The following WFDC1 variants were observed in gnomAD, a reference collection of about 807,000 sequenced individuals.
The protein encoded by WFDC1 is WAP four-disulfide core domain protein 1.
A neutral mutation model predicts 32.9 loss-of-function variants in WFDC1; 39 were observed. The ratio of observed to expected loss-of-function variants is 1.19; its 90% CI spans 0.92 to 1.55. The LOEUF (loss-of-function observed/expected upper bound fraction) is 1.55, where lower values mean the gene tolerates loss of function less well. WFDC1 is among the 40% of genes most tolerant of loss of function. The pLI, the probability that WFDC1 is intolerant of heterozygous loss-of-function variation, is 0.00. For synonymous variants in WFDC1, 184 were observed against 137.4 expected, an observed-to-expected ratio of 1.34 and a Z score of -2.37; for missense variants, 386 against 309.5, an observed-to-expected ratio of 1.25 and a Z score of -1.85.
rs543832160 is a variant in WFDC1, at chr16:84,321,981, G to A, written c.562+2410G>A. ...TATGGGGCTTGAGTGAGAGAAACACGTATGAAGTGCTTAGAATAGCACCTG... is the reference window on the plus strand; with the variant it reads ...TATGGGGCTTGAGTGAGAGAAACACATATGAAGTGCTTAGAATAGCACCTG... On this transcript the variant is annotated intron_variant, in intron 4 of 6. Transcript: ENST00000219454. 2.6e-4 allele frequency among the ~76,000 whole-genome samples: 39 copies of A among 152,294 alleles called. 1 individual carries two copies. The highest frequency in any genetic ancestry group is 7.9e-4 in the African/African-American group (33 of 41,550).
intron 1 of WFDC1, among the ~76,000 whole-genome samples, chr16:84,310,880 G>A (rs1158147425): frequency 6.6e-6 from 1 of 152,132 alleles, no homozygotes. Context: ...CTATGTACTG[G>A]GCCAGCACAA....
At chr16:84,322,461 C>A (rs78283890) in intron 4 of WFDC1, among the ~76,000 whole-genome samples, 1,598 of 152,260 alleles carry the variant, frequency 0.01, 13 homozygotes, top group Middle Eastern at 0.027. Context: ...TAATTTCAGA[C>A]TTATAAAAAT....
At chr16:84,319,837 G>A (rs959219012) in intron 4 of WFDC1, among the ~76,000 whole-genome samples, 4 of 152,160 alleles carry the variant, frequency 2.6e-5, no homozygotes, top group African/African-American at 9.7e-5. Context: ...GGCGACACTG[G>A]GGTTAATTTC....
chr16:84,310,846 A>G (rs957017317), intron 1 of WFDC1, among the ~76,000 whole-genome samples: 42 of 152,310 alleles, frequency 2.8e-4, no homozygotes, highest in African/African-American at 9.1e-4. Flanking sequence ...ATGGCTGTCT[A>G]CTATTCCAAT....
chr16:84,306,856 G>C (rs1347077626), intron 1 of WFDC1, among the ~76,000 whole-genome samples: 2 of 152,170 alleles, frequency 1.3e-5, no homozygotes, highest in African/African-American at 4.8e-5. Flanking sequence ...TGTTCTACGA[G>C]CCAGGGACAC....
At chr16:84,325,706 C>T (rs1440481563) in intron 5 of WFDC1, 1 of 152,066 alleles carries the variant, frequency 6.6e-6, no homozygotes, top group East Asian at 1.9e-4. Flanking sequence ...ATCTATTCAT[C>T]CATCTGTTCA....
At chr16:84,300,664 G>A (rs944236221) in intron 1 of WFDC1, among the ~76,000 whole-genome samples, 5 of 152,182 alleles carry the variant, frequency 3.3e-5, no homozygotes, top group Non-Finnish European at 7.3e-5. Flanking sequence ...TATGAACCCC[G>A]TTCCTTATAA....
Position 84,326,693 on chromosome 16 carries a change from T to G in WFDC1, c.605-189T>G. The G allele has an allele frequency of 6.5e-6, 4 of 616,760 alleles. 1 individual carries two copies. Among genetic ancestry groups the G allele is most frequent in the Non-Finnish European group, 2.9e-6 (1 of 344,308 alleles). 38.2% of individuals were successfully genotyped at this position (616,760 alleles called of 1,614,324 possible). A position where few individuals can be genotyped will look rare whatever the true frequency, so the allele number is the denominator to read the frequency against. ...GTAAGACCAGAAACATAGACAGAGC[T>G]GGTGACACCAGCTGGGGGGCCTGGG... On this transcript the variant is annotated intron_variant, in intron 5 of 6. Transcript: ENST00000219454.
At chr16:84,301,464 G>C (rs1906929808) in intron 1 of WFDC1, among the ~76,000 whole-genome samples, 2 of 152,162 alleles carry the variant, frequency 1.3e-5, no homozygotes, top group African/African-American at 4.8e-5. Flanking sequence ...TGGGAGCTTT[G>C]TCTGCTCCTT....
chr16:84,311,330 C>T (rs1163299828), intron 1 of WFDC1, among the ~76,000 whole-genome samples: 1 of 151,234 alleles, frequency 6.6e-6, no homozygotes, highest in African/African-American at 2.4e-5. Flanking sequence ...CTGCAAGCTC[C>T]GACTCCCAGG....
intron 1 of WFDC1, among the ~76,000 whole-genome samples, chr16:84,311,365 T>C (rs375932): frequency 0.68 from 99,217 of 145,846 alleles, 34,140 homozygotes; most frequent in East Asian, 0.98. Flanking sequence ...CTACAGGTGC[T>C]CGCCACCACG....
At chr16:84,314,423 C>G (rs1196104314) in intron 2 of WFDC1, among the ~76,000 whole-genome samples, 2 of 152,104 alleles carry the variant, frequency 1.3e-5, no homozygotes, top group Non-Finnish European at 2.9e-5. Context: ...ATAACAACAG[C>G]TGTTTGGACT....
chr16:84,295,402 A>G (rs1906536189), intron 1 of WFDC1: 2 of 496,766 alleles, frequency 4.0e-6, no homozygotes, highest in Non-Finnish European at 7.0e-6. Flanking sequence ...CTCCTGAAAG[A>G]CAGCATCTCA....
At chr16:84,299,232 C>T (rs191492560) in intron 1 of WFDC1, among the ~76,000 whole-genome samples, 7 of 152,030 alleles carry the variant, frequency 4.6e-5, no homozygotes, top group African/African-American at 1.2e-4. Flanking sequence ...GGCATGGTGG[C>T]GCATGCCTGT....
At chr16:84,295,428 A>G (rs1295551733) in intron 1 of WFDC1, 1 of 489,244 alleles carries the variant, frequency 2.0e-6, no homozygotes, top group African/African-American at 1.9e-5. Flanking sequence ...GAACCCCAGG[A>G]TTTAAACGGA....
intron 2 of WFDC1, among the ~76,000 whole-genome samples, chr16:84,315,652 G>A (rs1567659576): frequency 6.6e-6 from 1 of 152,166 alleles, no homozygotes; most frequent in African/African-American, 2.4e-5. Context: ...GATGGTCAGC[G>A]GCTTCCTTGG....
chr16:84,312,251 A>G (rs1333726651), intron 1 of WFDC1, among the ~76,000 whole-genome samples: 1 of 152,150 alleles, frequency 6.6e-6, no homozygotes, highest in Non-Finnish European at 1.5e-5. Flanking sequence ...CACAAAATAA[A>G]CACACCATGT....
chr16:84,309,740 G>A lies in WFDC1; in HGVS notation c.145-3221G>A, dbSNP rs11639708. ...TTCCTTCCTTGCCAATCCCTGTTCC[G>A]GTGGCTGCTGGCAATCATGGTCACT... On this transcript the variant is annotated intron_variant, in intron 1 of 6. Coordinates refer to ENST00000219454, the MANE Select transcript of WFDC1 (RefSeq NM_021197.4). Among the ~76,000 whole-genome samples the A allele has an allele frequency of 6.3e-3, 957 of 152,140 alleles. 9 individuals are homozygous for A. Among genetic ancestry groups the A allele is most frequent in the Middle Eastern group, 0.014 (4 of 294 alleles).
At chr16:84,298,655 C>T (rs1478193540) in intron 1 of WFDC1, among the ~76,000 whole-genome samples, 1 of 152,218 alleles carries the variant, frequency 6.6e-6, no homozygotes, top group Non-Finnish European at 1.5e-5. Context: ...AAGCGCAGGG[C>T]TGCCTGTAGC....
Sources: allele counts gnomAD v4.1 joint callset (sites outside exome capture counted in the v4.1 genomes callset), GRCh38; gene constraint gnomAD v4.1.1; transcripts MANE v1.5; gene names NCBI Gene and HGNC (gene_info 2026-07-23, HGNC 2026-07-21).